Variants in ERO1B observed in about 807,000 individuals in gnomAD.
ERO1B encodes the protein endoplasmic reticulum oxidoreductase 1 beta.
ERO1B carries 49 observed loss-of-function variants against 75.3 expected under a neutral mutation model. That is an observed-to-expected ratio of 0.65 (90% CI 0.52 to 0.83). ERO1B has a LOEUF of 0.83. Among genes scored for constraint, ERO1B ranks in the 40% least tolerant of loss-of-function variants. ERO1B has a pLI of 0.00. For missense variants in ERO1B, 512 were observed against 560.1 expected, an observed-to-expected ratio of 0.91 and a Z score of 0.87; for synonymous variants, 191 against 192.9, an observed-to-expected ratio of 0.99 and a Z score of 0.08.
chr1:236,230,016 T>G (rs1664363069), intron 10 of ERO1B, among the ~76,000 whole-genome samples: 1 of 152,120 alleles, frequency 6.6e-6, no homozygotes, highest in Admixed American at 6.5e-5. Context: ...TTGGCCTGTG[T>G]ATTTATATAA....
chr1:236,230,323 A>C, intron 9 of ERO1B, 73 bp from the exon 10 acceptor site: 1 of 1,349,760 alleles, frequency 7.4e-7, no homozygotes, highest in Non-Finnish European at 1.0e-6. Flanking sequence ...GGTTTATAAA[A>C]TCTTTCTGCA....
chr1:236,270,682 G>A (rs915045784), intron 1 of ERO1B, among the ~76,000 whole-genome samples: 1 of 152,072 alleles, frequency 6.6e-6, no homozygotes, highest in Non-Finnish European at 1.5e-5. Flanking sequence ...ATTAAAAATG[G>A]AACTCATTGA....
At chr1:236,223,641 G>A (rs896542059) in intron 13 of ERO1B, among the ~76,000 whole-genome samples, 3 of 152,178 alleles carry the variant, frequency 2.0e-5, no homozygotes, top group African/African-American at 7.2e-5. Flanking sequence ...CCAGCATTGT[G>A]TAGTTAAAAG....
chr1:236,271,705 G>C (rs1373544062), intron 1 of ERO1B, among the ~76,000 whole-genome samples: 1 of 151,730 alleles, frequency 6.6e-6, no homozygotes, highest in Admixed American at 6.6e-5. Context: ...AATACTGCCA[G>C]TGTCCTTTAA....
intron 2 of ERO1B, among the ~76,000 whole-genome samples, chr1:236,260,270 C>T (rs907007999): frequency 6.6e-6 from 1 of 152,150 alleles, no homozygotes; most frequent in African/African-American, 2.4e-5. Context: ...TTACTAGAAA[C>T]ATGCAGCCTA....
At chr1:236,276,022 T>C (rs1275046728) in intron 1 of ERO1B, among the ~76,000 whole-genome samples, 1 of 152,182 alleles carries the variant, frequency 6.6e-6, no homozygotes, top group African/African-American at 2.4e-5. Flanking sequence ...ATCATATGAA[T>C]ACACGAGAAA....
intron 1 of ERO1B, chr1:236,281,446 T>A (rs578110360): frequency 7.9e-6 from 3 of 377,924 alleles, no homozygotes; most frequent in African/African-American, 6.2e-5. Context: ...GTCACCATCT[T>A]CCTCTTTTGA....
chr1:236,245,353 C>T (rs866947382), intron 5 of ERO1B, among the ~76,000 whole-genome samples: 12 of 55,534 alleles, frequency 2.2e-4, no homozygotes, highest in South Asian at 6.0e-4. Context: ...TATATATATA[C>T]ACACGTATAT....
chr1:236,238,540 T>TTA, intron 6 of ERO1B, among the ~76,000 whole-genome samples: 1 of 114,282 alleles, frequency 8.8e-6, no homozygotes, highest in Admixed American at 9.0e-5. Flanking sequence ...TTTTTTTTTT[T>TTA]AAAAAAAAAA....
chr1:236,280,592 A>G (rs965992925), intron 1 of ERO1B, among the ~76,000 whole-genome samples: 1 of 152,212 alleles, frequency 6.6e-6, no homozygotes, highest in Non-Finnish European at 1.5e-5. Flanking sequence ...TTTTATTTTT[A>G]TGGTTCAAAC....
At chr1:236,253,621 C>T (rs2812465) in intron 2 of ERO1B, 116 bp from the exon 3 acceptor site, 173,046 of 675,878 alleles carry the variant, frequency 0.26, 23,278 homozygotes, top group East Asian at 0.35. Flanking sequence ...ACTTCCTATC[C>T]TCGTGGCACC....
In ERO1B at chr1:236,236,266, C is replaced by T; in HGVS notation, c.626+12G>A. 6.2e-7 allele frequency: 1 copy of T among 1,613,586 alleles called. No homozygotes were observed. The highest frequency in any genetic ancestry group is 8.5e-7 in the Non-Finnish European group (1 of 1,179,718). ...ATCAGTCGTTCCTTCTTCCCCCACCCCCTCCAGTTACTTGAAACAGTTCTC... is the reference window on the plus strand; with the variant it reads ...ATCAGTCGTTCCTTCTTCCCCCACCTCCTCCAGTTACTTGAAACAGTTCTC... On this transcript the variant is annotated intron_variant, in intron 7 of 15. Coordinates refer to ENST00000354619, the MANE Select transcript of ERO1B (RefSeq NM_019891.4).
At position 236,236,403 on chromosome 1, in the gene ERO1B, A is replaced by AAAATT; in HGVS notation, c.506-6_506-5insAATTT. On this transcript the variant is annotated splice_polypyrimidine_tract_variant and splice_region_variant and intron_variant, in intron 6 of 15. Coordinates refer to ENST00000354619, the MANE Select transcript of ERO1B (RefSeq NM_019891.4). Reference sequence around the variant, plus strand: ...GAGCAGCTGGAGATCTCTCATCTGAACAAGAAAAAATTCATAAAAACCATC... The same window carrying AAAATT: ...GAGCAGCTGGAGATCTCTCATCTGAAAAATTCAAGAAAAAATTCATAAAAACCATC... 1 of 1,613,248 alleles carries AAAATT rather than the reference A, an allele frequency of 6.2e-7. No homozygotes were observed. Among genetic ancestry groups the AAAATT allele is most frequent in the South Asian group, 1.1e-5 (1 of 91,008 alleles).
In ERO1B at chr1:236,216,230, T is replaced by C. The variant is rs577674958; in HGVS notation, c.*2286A>G. The stretch of plus-strand genomic sequence containing the variant: ...CAGTTATATTATCAAGTGCTGGGTT[T>C]TTAAATTAGGTGATGAGATAAAGAC... On this transcript the variant is annotated 3_prime_UTR_variant, in exon 16 of 16. Transcript: ENST00000354619. The C allele has an allele frequency of 5.9e-5, 9 of 152,268 alleles. No individual in the cohort carries two copies. The South Asian group carries it at 1.4e-3, about 25-fold the overall frequency. 9.4% of individuals were successfully genotyped at this position (152,268 alleles called of 1,614,324 possible). A position where few individuals can be genotyped will look rare whatever the true frequency, so the allele number is the denominator to read the frequency against.
intron 2 of ERO1B, chr1:236,267,920 G>C (rs749844684): frequency 6.6e-5 from 10 of 151,260 alleles, no homozygotes; most frequent in Non-Finnish European, 1.2e-4. Flanking sequence ...TCCTCGCATC[G>C]ACCTGGTATT....
chr1:236,239,835 G>GTATATATATATGTGTATATATATA (rs764354290), intron 6 of ERO1B, among the ~76,000 whole-genome samples: 3 of 42,352 alleles, frequency 7.1e-5, no homozygotes, highest in African/African-American at 9.6e-5. Context: ...GTATATATAT[G>GTATATATATATGTGTATATATATA]TGTATATATA....
Position 236,252,035 on chromosome 1 carries a change from AGAG to A in ERO1B, c.348+12_348+14del. The A allele has an allele frequency of 6.4e-7, 1 of 1,566,898 alleles. No homozygotes were observed. The stretch of plus-strand genomic sequence containing the variant: ...AATGTAAAGCAGAAACACTCAAGGA[AGAG>A]GAGGGACTTACCTTATTAGAATGCC... On this transcript the variant is annotated intron_variant, in intron 4 of 15. Transcript: ENST00000354619.
intron 5 of ERO1B, among the ~76,000 whole-genome samples, chr1:236,245,283 C>A (rs1664815365): frequency 7.9e-6 from 1 of 125,906 alleles, no homozygotes; most frequent in South Asian, 2.5e-4. Context: ...GTGTGAGTCA[C>A]CATGCCCAGT....
intron 9 of ERO1B, 149 bp downstream of exon 9, chr1:236,232,679 C>CTTT (rs11388266): frequency 1.3e-4 from 51 of 406,666 alleles, no homozygotes; most frequent in South Asian, 4.3e-4. Flanking sequence ...ATAAAATAAT[C>CTTT]TTTTTTTTTT....
Sources: allele counts gnomAD v4.1 joint callset (sites outside exome capture counted in the v4.1 genomes callset), GRCh38; gene constraint gnomAD v4.1.1; transcripts MANE v1.5; gene names NCBI Gene and HGNC (gene_info 2026-07-23, HGNC 2026-07-21).